The following BLTP3A variants were observed in gnomAD, a reference collection of about 807,000 sequenced individuals.
The protein encoded by BLTP3A is ICBP90 binding protein 1.
the BLTP3A span, among the ~76,000 whole-genome samples, chr6:34,824,189 T>C: frequency 6.6e-6 from 1 of 152,074 alleles, no homozygotes; most frequent in Non-Finnish European, 1.5e-5. Flanking sequence ...TTTCATATCA[T>C]GTCTTTAACA....
chr6:34,840,026 G>A, the BLTP3A span, among the ~76,000 whole-genome samples: 1 of 152,246 alleles, frequency 6.6e-6, no homozygotes, highest in African/African-American at 2.4e-5. Flanking sequence ...ACAGGGCCAA[G>A]GGATGACCTT....
At chr6:34,863,903 T>G in the BLTP3A span, 6 of 1,196,106 alleles carry the variant, frequency 5.0e-6, no homozygotes, top group Non-Finnish European at 6.8e-6. Context: ...GGGAACTTTA[T>G]CCAGTTGTCT....
chr6:34,807,814 C>T, the BLTP3A span, among the ~76,000 whole-genome samples: 1,289 of 151,198 alleles, frequency 8.5e-3, 19 homozygotes, highest in African/African-American at 0.027. Context: ...CCGAGGTGGA[C>T]GGATCATTTG....
the BLTP3A span, among the ~76,000 whole-genome samples, chr6:34,806,672 C>A: frequency 6.6e-6 from 1 of 152,012 alleles, no homozygotes; most frequent in East Asian, 1.9e-4. Context: ...TATTCTCCCC[C>A]CCTCCCCAAG....
At chr6:34,806,947 A>G in the BLTP3A span, among the ~76,000 whole-genome samples, 1 of 152,174 alleles carries the variant, frequency 6.6e-6, no homozygotes, top group African/African-American at 2.4e-5. Context: ...GGCATGACCC[A>G]TTGCACCCAG....
the BLTP3A span, among the ~76,000 whole-genome samples, chr6:34,829,866 G>A: frequency 6.6e-6 from 1 of 151,996 alleles, no homozygotes; most frequent in African/African-American, 2.4e-5. Context: ...GTGCAGTGGC[G>A]CAATCTCGGC....
the BLTP3A span, among the ~76,000 whole-genome samples, chr6:34,819,715 G>A: frequency 6.6e-6 from 1 of 152,226 alleles, no homozygotes; most frequent in Non-Finnish European, 1.5e-5. Context: ...TCAGGGAGAA[G>A]TCTCCAGTTC....
At chr6:34,838,152 C>G in the BLTP3A span, among the ~76,000 whole-genome samples, 1 of 152,144 alleles carries the variant, frequency 6.6e-6, no homozygotes, top group Non-Finnish European at 1.5e-5. Context: ...ATTTATCTTA[C>G]AAGGAGATTC....
the BLTP3A span, among the ~76,000 whole-genome samples, chr6:34,825,864 C>T: frequency 6.6e-6 from 1 of 152,010 alleles, no homozygotes; most frequent in East Asian, 1.9e-4. Flanking sequence ...ATGAATAATG[C>T]TGCTGTGAAC....
chr6:34,792,281 A>C, the BLTP3A span: 1 of 1,544,980 alleles, frequency 6.5e-7, no homozygotes, highest in Non-Finnish European at 8.7e-7. Context: ...GCAGATCCTG[A>C]AACACCTGTC....
At chr6:34,857,757 G>T in the BLTP3A span, 1 of 1,614,052 alleles carries the variant, frequency 6.2e-7, no homozygotes, top group South Asian at 1.1e-5. Flanking sequence ...CAGTTAAATG[G>T]TCTGACATTT....
chr6:34,834,541 C>A, the BLTP3A span: 1 of 1,371,048 alleles, frequency 7.3e-7, no homozygotes, highest in Non-Finnish European at 1.0e-6. Flanking sequence ...GCCTTTCTGT[C>A]CAGTGTTACT....
chr6:34,843,065 C>G, the BLTP3A span, among the ~76,000 whole-genome samples: 3 of 152,118 alleles, frequency 2.0e-5, no homozygotes, highest in African/African-American at 7.2e-5. Flanking sequence ...TTCACTGAAG[C>G]CTCAACTTCC....
At chr6:34,859,698 GA>G in the BLTP3A span, 1 of 1,393,832 alleles carries the variant, frequency 7.2e-7, no homozygotes, top group Non-Finnish European at 9.7e-7. Flanking sequence ...AGAATGCATA[GA>G]ATGGCCTATT....
At chr6:34,816,703 C>G in the BLTP3A span, among the ~76,000 whole-genome samples, 1 of 152,180 alleles carries the variant, frequency 6.6e-6, no homozygotes, top group Non-Finnish European at 1.5e-5. Flanking sequence ...TCCTGCCTAT[C>G]AGAGGGATCC....
the BLTP3A span, among the ~76,000 whole-genome samples, chr6:34,809,895 C>T: frequency 1.3e-5 from 2 of 152,080 alleles, no homozygotes; most frequent in African/African-American, 2.4e-5. Context: ...CACTGGAAGC[C>T]TCACTGATAA....
chr6:34,859,049 C>G, the BLTP3A span: 1 of 1,614,090 alleles, frequency 6.2e-7, no homozygotes, highest in African/African-American at 1.3e-5. Flanking sequence ...TCTGCAGGCT[C>G]AGATAGCACT....
chr6:34,836,055 C>G, the BLTP3A span: 4 of 1,430,200 alleles, frequency 2.8e-6, no homozygotes, highest in African/African-American at 1.4e-5. Flanking sequence ...GAACATCTTG[C>G]TAAACTGTGG....
the BLTP3A span, chr6:34,836,350 T>C: frequency 1.2e-6 from 2 of 1,613,558 alleles, no homozygotes; most frequent in Non-Finnish European, 1.7e-6. Flanking sequence ...GAGAGCCAGG[T>C]ACCCCATGAG....
Sources: allele counts gnomAD v4.1 joint callset (sites outside exome capture counted in the v4.1 genomes callset), GRCh38; gene constraint gnomAD v4.1.1; transcripts MANE v1.5; gene names NCBI Gene and HGNC (gene_info 2026-07-23, HGNC 2026-07-21).